SORCS3: variants seen among roughly 807,000 people sequenced by gnomAD.
The protein encoded by SORCS3 is VPS10 domain-containing receptor SorCS3.
In SORCS3, 57 loss-of-function variants were observed where a neutral mutation model predicts 146.3. The observed-to-expected ratio is 0.39, with a 90% confidence interval of 0.31 to 0.49. The LOEUF (loss-of-function observed/expected upper bound fraction) is 0.49, where lower values mean the gene tolerates loss of function less well. SORCS3 is among the 20% of genes least tolerant of loss of function. The pLI is 0.92. For missense variants in SORCS3, 1,341 were observed against 1,575.5 expected (o/e 0.85, Z 2.52); for synonymous variants, 653 against 618.5 (o/e 1.06, Z -0.83).
intron 20 of SORCS3, among the ~76,000 whole-genome samples, chr10:105,224,453 T>C (rs1298532340): frequency 6.6e-6 from 1 of 152,242 alleles, no homozygotes; most frequent in Non-Finnish European, 1.5e-5. Flanking sequence ...TATCCCATTG[T>C]CTGAATGTAT....
intron 1 of SORCS3, among the ~76,000 whole-genome samples, chr10:104,642,545 G>C (rs1487191967): frequency 6.6e-6 from 1 of 152,074 alleles, no homozygotes; most frequent in Non-Finnish European, 1.5e-5. Flanking sequence ...TTGGCCTTCA[G>C]GTAACCCCGG....
chr10:105,165,575 A>G (rs779775262), intron 12 of SORCS3, among the ~76,000 whole-genome samples: 20 of 152,188 alleles, frequency 1.3e-4, no homozygotes, highest in Admixed American at 3.9e-4. Context: ...ACAGTCAATA[A>G]TAAGTTAAGG....
At chr10:104,783,841 T>C (rs2133494366) in intron 1 of SORCS3, among the ~76,000 whole-genome samples, 1 of 152,344 alleles carries the variant, frequency 6.6e-6, no homozygotes, top group Admixed American at 6.5e-5. Flanking sequence ...CTTCATCCCT[T>C]CCTCAGGATG....
intron 1 of SORCS3, among the ~76,000 whole-genome samples, chr10:104,690,886 T>G (rs2016103697): frequency 6.6e-6 from 1 of 152,140 alleles, no homozygotes; most frequent in Non-Finnish European, 1.5e-5. Flanking sequence ...TCAGAGCACT[T>G]TGTGTTTGGA....
chr10:104,800,333 A>G (rs374078176), intron 1 of SORCS3, among the ~76,000 whole-genome samples: 5 of 152,186 alleles, frequency 3.3e-5, no homozygotes, highest in Non-Finnish European at 7.3e-5. Context: ...TAGCGAGGAG[A>G]GGGGAATGAA....
chr10:105,079,658 A>G (rs1212314978), intron 5 of SORCS3, among the ~76,000 whole-genome samples: 1 of 151,988 alleles, frequency 6.6e-6, no homozygotes, highest in Non-Finnish European at 1.5e-5. Context: ...TGTACAGATT[A>G]TTTTGTCACT....
chr10:104,905,206 TA>T (rs2018893220), intron 2 of SORCS3, among the ~76,000 whole-genome samples: 1 of 152,184 alleles, frequency 6.6e-6, no homozygotes, highest in Non-Finnish European at 1.5e-5. Flanking sequence ...AATCACTCCA[TA>T]ATTTTTACAA....
At chr10:104,747,312 A>G (rs962513933) in intron 1 of SORCS3, among the ~76,000 whole-genome samples, 1 of 152,206 alleles carries the variant, frequency 6.6e-6, no homozygotes, top group Non-Finnish European at 1.5e-5. Context: ...GGAAGTAATC[A>G]GTCACATTAA....
chr10:105,051,833 A>G (rs76600271), intron 5 of SORCS3, among the ~76,000 whole-genome samples: 8,970 of 152,220 alleles, frequency 0.059, 286 homozygotes, highest in Middle Eastern at 0.088. Flanking sequence ...TTAAAATGGT[A>G]CAGCAATTTA....
At chr10:104,923,464 C>T (rs939328039) in intron 3 of SORCS3, among the ~76,000 whole-genome samples, 1 of 152,228 alleles carries the variant, frequency 6.6e-6, no homozygotes, top group Non-Finnish European at 1.5e-5. Context: ...CCCTGAAACA[C>T]ACTGGCTCTG....
chr10:104,944,657 A>G (rs1458794511), intron 3 of SORCS3, among the ~76,000 whole-genome samples: 1 of 152,240 alleles, frequency 6.6e-6, no homozygotes, highest in Non-Finnish European at 1.5e-5. Context: ...TACTTGAGAT[A>G]TCTTTTTATA....
chr10:104,968,932 A>C (rs942323237), intron 3 of SORCS3, among the ~76,000 whole-genome samples: 4 of 152,232 alleles, frequency 2.6e-5, no homozygotes, highest in Non-Finnish European at 5.9e-5. Flanking sequence ...CACAGTCCTC[A>C]CCAGTCCCTG....
chr10:104,834,654 T>TC (rs1225098998), intron 1 of SORCS3, among the ~76,000 whole-genome samples: 1 of 150,852 alleles, frequency 6.6e-6, no homozygotes, highest in Non-Finnish European at 1.5e-5. Context: ...GCTTATTTTT[T>TC]CCCCACAGTA....
intron 3 of SORCS3, among the ~76,000 whole-genome samples, chr10:104,975,364 G>C (rs2054888953): frequency 1.3e-5 from 2 of 151,906 alleles, no homozygotes. Context: ...GGATGTGAAG[G>C]ACCTCTTCAA....
At chr10:105,009,251 T>A (rs192416829) in intron 4 of SORCS3, among the ~76,000 whole-genome samples, 2 of 152,252 alleles carry the variant, frequency 1.3e-5, no homozygotes, top group Non-Finnish European at 2.9e-5. Context: ...AGAAACTAAT[T>A]TTTTAGGAGA....
chr10:105,167,273 T>C lies in SORCS3; in HGVS notation c.1825T>C (p.Tyr609His), dbSNP rs1417845167. ...GTTGTTCCAGATCTTTGATGAAGAG[T>C]ACAATGTCTGGTTCCTAGACTGGGG... ...NTWRQIFDEEYNVWFLDWGGA... is the reference protein window; with the variant it reads ...NTWRQIFDEEHNVWFLDWGGA... Residue 609 changes from tyrosine (Y) to histidine (H), a missense_variant, in exon 13 of 27, where the codon TAC becomes CAC. Transcript: ENST00000369701. 2 of 1,612,912 alleles carry C rather than the reference T, an allele frequency of 1.2e-6. No homozygotes were observed. The highest frequency in any genetic ancestry group is 2.7e-5 in the African/African-American group (2 of 74,842).
chr10:104,903,245 C>G (rs1269728891), intron 2 of SORCS3, among the ~76,000 whole-genome samples: 1 of 152,088 alleles, frequency 6.6e-6, no homozygotes, highest in Non-Finnish European at 1.5e-5. Flanking sequence ...GTATAAAGCA[C>G]TATGCAAATG....
At chr10:105,122,826 G>A (rs984816600) in intron 7 of SORCS3, among the ~76,000 whole-genome samples, 6 of 152,180 alleles carry the variant, frequency 3.9e-5, no homozygotes, top group Admixed American at 3.3e-4. Context: ...TAATTTACTT[G>A]AGGGGCTCAG....
intron 3 of SORCS3, among the ~76,000 whole-genome samples, chr10:104,953,122 C>T (rs987218196): frequency 7.9e-5 from 12 of 152,330 alleles, no homozygotes; most frequent in Admixed American, 2.6e-4. Context: ...AGGAGGATAG[C>T]TAACCAAATA....
Sources: allele counts gnomAD v4.1 joint callset (sites outside exome capture counted in the v4.1 genomes callset), GRCh38; gene constraint gnomAD v4.1.1; transcripts MANE v1.5; gene names NCBI Gene and HGNC (gene_info 2026-07-23, HGNC 2026-07-21).